Variants in ENKD1 observed in about 807,000 individuals in gnomAD.
ENKD1 encodes the protein enkurin domain-containing protein 1.
ENKD1 carries 39 observed loss-of-function variants against 35.8 expected under a neutral mutation model. The ratio of observed to expected loss-of-function variants is 1.09; its 90% CI spans 0.84 to 1.42. The LOEUF (loss-of-function observed/expected upper bound fraction) is 1.42. Among genes scored for constraint, ENKD1 ranks in the 40% most tolerant of loss-of-function variants. ENKD1 has a pLI of 0.00. For synonymous variants in ENKD1, 205 were observed against 198.6 expected (o/e 1.03, Z -0.27); for missense variants, 474 against 471.3 (o/e 1.01, Z -0.05).
intron 3 of ENKD1, 144 bp from the exon 4 acceptor site, chr16:67,664,206 C>T (rs1393376045): frequency 1.3e-6 from 1 of 747,076 alleles, no homozygotes; most frequent in Non-Finnish European, 2.3e-6. Flanking sequence ...TTGTCCTCAT[C>T]AGCACACAAA....
intron 2 of ENKD1, among the ~76,000 whole-genome samples, chr16:67,665,471 G>A (rs1426032376): frequency 6.6e-6 from 1 of 151,994 alleles, no homozygotes. Flanking sequence ...AACCTCCCCG[G>A]CTACCTCAGC....
chr16:67,663,071 C>A lies in ENKD1; in HGVS notation c.*90G>T, dbSNP rs1020831262. On this transcript the variant is annotated 3_prime_UTR_variant, in exon 7 of 7. Coordinates refer to ENST00000243878, the MANE Select transcript of ENKD1 (RefSeq NM_032140.3). ...CACCCCCCTGCTCCTGTCTTCAGAC[C>A]TCTGCTCTGGGATTGGGTCCAACCC... 4.6e-6 allele frequency: 7 copies of A among 1,511,400 alleles called. No individual in the cohort carries two copies. The African/African-American group carries it at 9.6e-5, about 21-fold the overall frequency. The allele number at this position is 1,511,400 out of a possible 1,614,324, so 93.6% of individuals were successfully genotyped here.
chr16:67,664,220 G>A (rs1386312204), intron 3 of ENKD1, 158 bp from the exon 4 acceptor site: 5 of 721,286 alleles, frequency 6.9e-6, no homozygotes, highest in Middle Eastern at 2.3e-4. Context: ...ACACAAATGT[G>A]TGAGTATGTC....
chr16:67,663,599 G>A (rs767108756), intron 5 of ENKD1, 43 bp from the exon 6 acceptor site: 29 of 1,604,328 alleles, frequency 1.8e-5, no homozygotes, highest in Middle Eastern at 3.3e-4. Context: ...GAGGGCAGAG[G>A]TTGGTTCCCA....
In ENKD1 at chr16:67,665,172, G is replaced by C. The variant is rs561081927; in HGVS notation, c.281-4C>G. ...TCATGGTCCTTAGGGTCCTTCCCTG[G>C]AGAAAAGATGCCCCCAGGTTCTGCC... On this transcript the variant is annotated splice_region_variant and splice_polypyrimidine_tract_variant and intron_variant, in intron 2 of 6. Coordinates refer to ENST00000243878, the MANE Select transcript of ENKD1 (RefSeq NM_032140.3). 2.5e-6 allele frequency: 4 copies of C among 1,608,160 alleles called. No individual in the cohort carries two copies. The highest frequency in any genetic ancestry group is 3.4e-6 in the Non-Finnish European group (4 of 1,177,298).
chr16:67,663,496 C>CG lies in ENKD1; in HGVS notation c.803dup (p.Asp269GlyfsTer13), dbSNP rs767749879. 8 of 1,612,664 alleles carry CG rather than the reference C, an allele frequency of 5.0e-6. No individual in the cohort carries two copies. In the South Asian group the frequency reaches 8.8e-5, roughly 18 times the overall value. On this transcript the variant is annotated frameshift_variant, in exon 6 of 7. Transcript: ENST00000243878. LOFTEE classifies it high-confidence loss of function. Reference sequence around the variant, plus strand: ...TGTGGCCTGGGGGCATGGCAGGGTCCGGCTGGCTCTGCTTGCGGGCCTCGG... The same window carrying CG: ...TGTGGCCTGGGGGCATGGCAGGGTCCGGGCTGGCTCTGCTTGCGGGCCTCGG...
chr16:67,664,327 T>C, intron 3 of ENKD1: 1 of 546,392 alleles, frequency 1.8e-6, no homozygotes, highest in Non-Finnish European at 3.4e-6. Flanking sequence ...TTCCTGGCTC[T>C]AGCCCTGCAA....
intron 2 of ENKD1, among the ~76,000 whole-genome samples, chr16:67,665,487 G>C (rs1026669895): frequency 6.6e-6 from 1 of 152,002 alleles, no homozygotes; most frequent in African/African-American, 2.4e-5. Context: ...TCAGCCTGCC[G>C]AGTAGCTGGG....
Position 67,663,408 on chromosome 16 carries a change from C to T in ENKD1, c.880+12G>A, listed in dbSNP as rs774533267. Reference sequence around the variant, plus strand: ...TGGGGCCCCCCTCCAGCCTCCCTGCCCAGGTACTCACTCTGGAGCAGCTTG... The same window carrying T: ...TGGGGCCCCCCTCCAGCCTCCCTGCTCAGGTACTCACTCTGGAGCAGCTTG... On this transcript the variant is annotated intron_variant, in intron 6 of 6. Coordinates refer to ENST00000243878, the MANE Select transcript of ENKD1 (RefSeq NM_032140.3). The T allele has an allele frequency of 5.0e-6, 8 of 1,612,614 alleles. No homozygotes were observed. The highest frequency in any genetic ancestry group is 2.7e-5 in the African/African-American group (2 of 74,932).
At chr16:67,664,830 A>G (rs912448703) in intron 3 of ENKD1, 166 bp downstream of exon 3, 1 of 774,208 alleles carries the variant, frequency 1.3e-6, no homozygotes, top group Non-Finnish European at 2.0e-6. Flanking sequence ...CAGCCCCACC[A>G]TCACTACTTC....
rs940831119 is a variant in ENKD1 at position 67,663,053 on chromosome 16, CT to C, written c.*107del. ...TGCTCTAGGGACACTGGCCACCCCC[CT>C]GCTCCTGTCTTCAGACCTCTGCTCT... On this transcript the variant is annotated 3_prime_UTR_variant, in exon 7 of 7. Coordinates refer to ENST00000243878, the MANE Select transcript of ENKD1 (RefSeq NM_032140.3). The C allele has an allele frequency of 7.2e-6, 10 of 1,393,776 alleles. No homozygotes were observed. The highest frequency in any genetic ancestry group is 2.2e-4 in the Middle Eastern group (1 of 4,578). The allele number at this position is 1,393,776 out of a possible 1,614,324, so 86.3% of individuals were successfully genotyped here. A position where few individuals can be genotyped will look rare whatever the true frequency, so the allele number is the denominator to read the frequency against.
Position 67,665,102 on chromosome 16 carries a change from C to A in ENKD1, c.347G>T (p.Arg116Ile), listed in dbSNP as rs1289532514. ...CTGCTCCCGGCTGCGCTCCTGTTCTCTGAAGCGCTTCTGAATCTCCCTGAT... is the reference window on the plus strand; with the variant it reads ...CTGCTCCCGGCTGCGCTCCTGTTCTATGAAGCGCTTCTGAATCTCCCTGAT... ...RRIREIQKRF[R>I]EQERSREQGQ... The change falls in exon 3 of 7, where the codon AGA becomes ATA. Residue 116 changes from arginine to isoleucine, a missense_variant. Arg to Ile is a moderately conservative substitution (Grantham distance 97). Coordinates refer to ENST00000243878, the MANE Select transcript of ENKD1 (RefSeq NM_032140.3). The A allele has an allele frequency of 6.2e-7, 1 of 1,613,882 alleles. No individual in the cohort carries two copies. The highest frequency in any genetic ancestry group is 8.5e-7 in the Non-Finnish European group (1 of 1,179,992).
chr16:67,664,826 CA>C (rs1285871849), intron 3 of ENKD1, 169 bp downstream of exon 3: 5 of 748,584 alleles, frequency 6.7e-6, no homozygotes, highest in Non-Finnish European at 1.0e-5. Flanking sequence ...GGATCAGCCC[CA>C]CCATCACTAC....
chr16:67,663,118 G>C lies in ENKD1; in HGVS notation c.*43C>G, dbSNP rs369005864. ...ACCCTGTCCTTTGCAGCCATGTGGC[G>C]ATCCTCAGCATGGAGCTCCTTGCCA... On this transcript the variant is annotated 3_prime_UTR_variant, in exon 7 of 7. Transcript: ENST00000243878. The C allele has an allele frequency of 6.2e-7, 1 of 1,609,864 alleles. No individual in the cohort carries two copies. Among genetic ancestry groups the C allele is most frequent in the Non-Finnish European group, 8.5e-7 (1 of 1,177,766 alleles).
At chr16:67,665,735 C>T (rs2053091867) in intron 2 of ENKD1, among the ~76,000 whole-genome samples, 1 of 152,228 alleles carries the variant, frequency 6.6e-6, no homozygotes, top group Non-Finnish European at 1.5e-5. Flanking sequence ...ACATTCATCT[C>T]TTGATCTTTG....
rs1177470314 is a variant in ENKD1 at position 67,663,400 on chromosome 16, C to A, written c.880+20G>T. On this transcript the variant is annotated intron_variant, in intron 6 of 6. Transcript: ENST00000243878. ...GTCCCCAGTGGGGCCCCCCTCCAGC[C>A]TCCCTGCCCAGGTACTCACTCTGGA... The A allele has an allele frequency of 6.2e-7, 1 of 1,611,986 alleles. No individual in the cohort carries two copies. The highest frequency in any genetic ancestry group is 1.7e-5 in the Admixed American group (1 of 59,980).
chr16:67,663,326 AG>A lies in ENKD1; in HGVS notation c.881-6del. On this transcript the variant is annotated splice_region_variant and splice_polypyrimidine_tract_variant and intron_variant, in intron 6 of 6. Transcript: ENST00000243878. The stretch of plus-strand genomic sequence containing the variant: ...CACGCAGCAGCTGGCTCTGGCCTAC[AG>A]GGGGCCCGGGAACAGTGAGAACAGT... 2 of 1,613,388 alleles carry A rather than the reference AG, an allele frequency of 1.2e-6. No individual in the cohort carries two copies. Among genetic ancestry groups the A allele is most frequent in the African/African-American group, 2.7e-5 (2 of 75,054 alleles).
chr16:67,663,334 C>T lies in ENKD1; in HGVS notation c.881-13G>A, dbSNP rs773013570. ...AGCTGGCTCTGGCCTACAGGGGGCC[C>T]GGGAACAGTGAGAACAGTGAGTGTT... On this transcript the variant is annotated splice_polypyrimidine_tract_variant and intron_variant, in intron 6 of 6. Coordinates refer to ENST00000243878, the MANE Select transcript of ENKD1 (RefSeq NM_032140.3). 9.9e-6 allele frequency: 16 copies of T among 1,613,162 alleles called. No homozygotes were observed. Among genetic ancestry groups the T allele is most frequent in the East Asian group, 4.5e-5 (2 of 44,898 alleles).
Position 67,666,280 on chromosome 16 carries a change from C to T in ENKD1, c.86-15G>A. On this transcript the variant is annotated splice_polypyrimidine_tract_variant and intron_variant, in intron 1 of 6. Transcript: ENST00000243878. ...GCGCCCTTGAGCTGTGGGGCGGAGC[C>T]GGGCGGAGTCCGGGGCTCAGAGGTG... 1.2e-6 allele frequency: 2 copies of T among 1,600,280 alleles called. No individual in the cohort carries two copies. Among genetic ancestry groups the T allele is most frequent in the Non-Finnish European group, 1.7e-6 (2 of 1,174,896 alleles).
Sources: gnomAD v4.1 joint callset for allele counts (sites outside exome capture counted in the v4.1 genomes callset) on GRCh38, gnomAD v4.1.1 for gene constraint, MANE v1.5 for transcripts, NCBI Gene and HGNC (gene_info 2026-07-23, HGNC 2026-07-21) for gene names.